Variants in HCN2 observed in about 807,000 individuals in gnomAD.
HCN2 encodes the protein hyperpolarization activated cyclic nucleotide gated potassium and sodium channel 2.
A neutral mutation model predicts 52.3 loss-of-function variants in HCN2; 20 were observed. That is an observed-to-expected ratio of 0.38 (90% CI 0.27 to 0.56). The LOEUF (loss-of-function observed/expected upper bound fraction) is 0.56. Ranked by LOEUF, HCN2 falls within the 20% of genes least tolerant of loss-of-function variation. The pLI is 0.71. For missense variants in HCN2, 981 were observed against 1,207.7 expected, an observed-to-expected ratio of 0.81 and a Z score of 2.78; for synonymous variants, 694 against 537.0, an observed-to-expected ratio of 1.29 and a Z score of -4.04.
chr19:609,770 G>A (rs550852821), intron 4 of HCN2, among the ~76,000 whole-genome samples: 105 of 152,246 alleles, frequency 6.9e-4, no homozygotes, highest in African/African-American at 2.4e-3. Context: ...GCGTGGTGGC[G>A]CACACCTGCA....
Position 605,047 on chromosome 19 carries a change from G to A in HCN2, c.1057-14G>A. On this transcript the variant is annotated splice_polypyrimidine_tract_variant and intron_variant, in intron 2 of 7. Transcript: ENST00000251287. ...GGTCAGCGGGTAGGGTGGGCTCACGGCGCCTTCCTGCAGATCTTCCACATG... is the reference window on the plus strand; with the variant it reads ...GGTCAGCGGGTAGGGTGGGCTCACGACGCCTTCCTGCAGATCTTCCACATG... 2 of 1,605,718 alleles carry A rather than the reference G, an allele frequency of 1.2e-6. No individual in the cohort carries two copies. Among genetic ancestry groups the A allele is most frequent in the Non-Finnish European group, 1.7e-6 (2 of 1,175,778 alleles).
intron 2 of HCN2, among the ~76,000 whole-genome samples, chr19:604,438 G>A (rs1983330310): frequency 6.7e-6 from 1 of 149,452 alleles, no homozygotes; most frequent in Non-Finnish European, 1.5e-5. Context: ...AGGCAGCAGG[G>A]GCAGGGCTAT....
At chr19:597,606 G>A (rs930787781) in intron 1 of HCN2, among the ~76,000 whole-genome samples, 2 of 150,016 alleles carry the variant, frequency 1.3e-5, no homozygotes, top group African/African-American at 2.5e-5. Flanking sequence ...TGGTTTCTAG[G>A]TCCCCCTTGG....
At chr19:608,812 G>T (rs950037925) in intron 4 of HCN2, among the ~76,000 whole-genome samples, 1 of 152,162 alleles carries the variant, frequency 6.6e-6, no homozygotes. Context: ...GCCGGTGGCC[G>T]GCAGTCAGGG....
At chr19:598,727 G>T (rs1021808523) in intron 1 of HCN2, among the ~76,000 whole-genome samples, 1 of 152,084 alleles carries the variant, frequency 6.6e-6, no homozygotes, top group Non-Finnish European at 1.5e-5. Flanking sequence ...TCAGCCTCCC[G>T]AGTAGCTGGG....
chr19:612,411 TGTGTGTGTGTGTGTGTGA>T (rs1983677824), intron 5 of HCN2, among the ~76,000 whole-genome samples: 2 of 127,710 alleles, frequency 1.6e-5, no homozygotes, highest in African/African-American at 2.7e-5. Context: ...TGTGTGTGTG[TGTGTGTGTGTGTGTGTGA>T]GAGAGAGATG....
chr19:610,947 G>A (rs1983608808), intron 5 of HCN2, among the ~76,000 whole-genome samples: 1 of 152,184 alleles, frequency 6.6e-6, no homozygotes, highest in Non-Finnish European at 1.5e-5. Flanking sequence ...GATCCTTCCT[G>A]CCTCTTCCGG....
intron 3 of HCN2, among the ~76,000 whole-genome samples, chr19:606,004 G>A (rs1055488033): frequency 6.6e-6 from 1 of 152,232 alleles, no homozygotes; most frequent in African/African-American, 2.4e-5. Context: ...GAGAAGCTGA[G>A]TGTGGTTATG....
chr19:612,170 GC>G (rs1234573342), intron 5 of HCN2, among the ~76,000 whole-genome samples: 24 of 151,730 alleles, frequency 1.6e-4, no homozygotes, highest in African/African-American at 5.6e-4. Context: ...ACCAAAAAGT[GC>G]CCCAGGTCAT....
intron 5 of HCN2, among the ~76,000 whole-genome samples, chr19:612,076 C>T (rs944009069): frequency 2.0e-5 from 3 of 151,782 alleles, no homozygotes; most frequent in East Asian, 3.9e-4. Flanking sequence ...ACCCAGGAGG[C>T]GGCGGTTGCA....
intron 7 of HCN2, among the ~76,000 whole-genome samples, chr19:615,358 C>CA (rs879842717): frequency 1.3e-5 from 2 of 151,686 alleles, no homozygotes; most frequent in African/African-American, 2.4e-5. Flanking sequence ...AAAAAAAATA[C>CA]AAAAAATTAG....
chr19:616,099 C>G lies in HCN2; in HGVS notation c.2295C>G (p.Pro765=), dbSNP rs1273001556. 1.0e-6 allele frequency: 1 copy of G among 980,194 alleles called. No individual in the cohort carries two copies. The highest frequency in any genetic ancestry group is 1.8e-5 in the African/African-American group (1 of 56,356). 60.7% of individuals were successfully genotyped at this position (980,194 alleles called of 1,614,324 possible). A position where few individuals can be genotyped will look rare whatever the true frequency, so the allele number is the denominator to read the frequency against. Residue 765 remains proline, a synonymous_variant, in exon 8 of 8, where the codon CCC becomes CCG. Transcript: ENST00000251287. The part of the protein sequence containing the change: ...PRLVRRPPPG[P]APAAASPGPP... ...TCGTGCGCCGCCCGCCCCCGGGGCC[C>G]GCACCTGCCGCCGCCTCACCCGGGC...
At chr19:598,722 C>G (rs1258522262) in intron 1 of HCN2, among the ~76,000 whole-genome samples, 2 of 152,276 alleles carry the variant, frequency 1.3e-5, no homozygotes. Flanking sequence ...CTGCCTCAGC[C>G]TCCCGAGTAG....
chr19:606,824 C>T (rs1385827474), intron 3 of HCN2, among the ~76,000 whole-genome samples: 1 of 150,554 alleles, frequency 6.6e-6, no homozygotes, highest in Admixed American at 6.6e-5. Flanking sequence ...GCACTCCAGC[C>T]TGGGCAACAG....
Position 590,710 on chromosome 19 carries a change from C to G in HCN2, c.632+133C>G. 1.7e-6 allele frequency: 1 copy of G among 598,836 alleles called. No homozygotes were observed. Among genetic ancestry groups the G allele is most frequent in the Middle Eastern group, 5.6e-4 (1 of 1,772 alleles). The allele number at this position is 598,836 out of a possible 1,614,324, so 37.1% of individuals were successfully genotyped here. ...TGACCTCGGGGCTCCTCGGTGACCT[C>G]GGGCGTGTCCGGGACCCGCCCCGGA... On this transcript the variant is annotated intron_variant, in intron 1 of 7. Transcript: ENST00000251287. This position sits in a 1 kb window ranked among gnomAD's most constrained non-coding sequence, Gnocchi z 7.2.
chr19:595,934 G>A (rs551668435), intron 1 of HCN2, among the ~76,000 whole-genome samples: 45 of 152,182 alleles, frequency 3.0e-4, no homozygotes, highest in Admixed American at 5.2e-4. Flanking sequence ...GGGCTCCTGC[G>A]GGGAGGGCCT....
intron 4 of HCN2, 89 bp from the exon 5 acceptor site, chr19:610,170 G>A (rs1457519761): frequency 2.7e-6 from 4 of 1,490,396 alleles, no homozygotes; most frequent in Non-Finnish European, 3.7e-6. Flanking sequence ...GTCTGACCCA[G>A]CCTCGCCTCC....
chr19:602,911 C>A (rs1983254411), intron 1 of HCN2, among the ~76,000 whole-genome samples: 1 of 152,078 alleles, frequency 6.6e-6, no homozygotes, highest in African/African-American at 2.4e-5. Context: ...GAGCCTGGTC[C>A]CGAGGGAGGA....
Position 613,816 on chromosome 19 carries a change from C to T in HCN2, c.1826-36C>T, listed in dbSNP as rs745562496. 3.3e-5 allele frequency: 49 copies of T among 1,478,538 alleles called. No individual in the cohort carries two copies. The African/African-American group carries it at 7.1e-4, about 21-fold the overall frequency. 91.6% of individuals were successfully genotyped at this position (1,478,538 alleles called of 1,614,324 possible). On this transcript the variant is annotated intron_variant, in intron 6 of 7. Transcript: ENST00000251287. Reference sequence around the variant, plus strand: ...GGGCGGGGAGGGCCGCGGCGCCCGCCTCGTCCAGCAACCCCCCCCTGCGCG... The same window carrying T: ...GGGCGGGGAGGGCCGCGGCGCCCGCTTCGTCCAGCAACCCCCCCCTGCGCG...
Sources: gnomAD v4.1 joint callset for allele counts (sites outside exome capture counted in the v4.1 genomes callset) on GRCh38, gnomAD v4.1.1 for gene constraint, Gnocchi (gnomAD v3.1) non-coding constraint, MANE v1.5 for transcripts, NCBI Gene and HGNC (gene_info 2026-07-23, HGNC 2026-07-21) for gene names.